The following ITFG2 variants were observed in gnomAD, a reference collection of about 807,000 sequenced individuals.
ITFG2 encodes integrin alpha FG-GAP repeat containing 2.
Under a neutral mutation model 54.4 loss-of-function variants are expected in ITFG2, and 36 were observed. That is an observed-to-expected ratio of 0.66 (90% CI 0.51 to 0.87). The LOEUF is 0.87. ITFG2 is among the 40% of genes least tolerant of loss of function. The pLI is 0.00. For missense variants in ITFG2, 524 were observed against 576.7 expected, an observed-to-expected ratio of 0.91 and a Z score of 0.94; for synonymous variants, 211 against 225.4, an observed-to-expected ratio of 0.94 and a Z score of 0.57.
Position 2,822,840 on chromosome 12 carries a change from C to CAT in ITFG2, c.1000_1001dup (p.Ile335SerfsTer62). 1 of 1,614,174 alleles carries CAT rather than the reference C, an allele frequency of 6.2e-7. No homozygotes were observed. The highest frequency in any genetic ancestry group is 1.6e-4 in the Middle Eastern group (1 of 6,062). Reference sequence around the variant, plus strand: ...GTTGCATGCGCCTGGGATGGACAGACATATATCATTGATCACAACCGCACC... The same window carrying CAT: ...GTTGCATGCGCCTGGGATGGACAGACATATATATCATTGATCACAACCGCACC... On this transcript the variant is annotated frameshift_variant, in exon 10 of 12. Coordinates refer to ENST00000228799, the MANE Select transcript of ITFG2 (RefSeq NM_018463.4). LOFTEE classifies it high-confidence loss of function.
intron 1 of ITFG2, among the ~76,000 whole-genome samples, chr12:2,813,746 T>G (rs2097914902): frequency 1.3e-5 from 2 of 152,208 alleles, no homozygotes; most frequent in South Asian, 2.1e-4. Flanking sequence ...GTTCCTTAAC[T>G]GTCCTGTACT....
chr12:2,855,614 C>A (rs559978082), intron 2 of ITFG2, among the ~76,000 whole-genome samples: 1 of 152,164 alleles, frequency 6.6e-6, no homozygotes, highest in Non-Finnish European at 1.5e-5. Flanking sequence ...TCCTTCCCGG[C>A]GGAAGTTATG....
chr12:2,819,953 G>A (rs1000641812), intron 4 of ITFG2, 133 bp from the exon 5 acceptor site: 3 of 1,156,864 alleles, frequency 2.6e-6, no homozygotes, highest in African/African-American at 3.1e-5. Flanking sequence ...AGGGGCGGGG[G>A]CAGACTGAGG....
chr12:2,812,708 G>C lies in ITFG2; in HGVS notation c.-53G>C. The C allele has an allele frequency of 6.6e-7, 1 of 1,508,366 alleles. No individual in the cohort carries two copies. Among genetic ancestry groups the C allele is most frequent in the Non-Finnish European group, 9.2e-7 (1 of 1,087,240 alleles). 93.4% of individuals were successfully genotyped at this position (1,508,366 alleles called of 1,614,324 possible). A position where few individuals can be genotyped will look rare whatever the true frequency, so the allele number is the denominator to read the frequency against. Reference sequence around the variant, plus strand: ...CCGCTCTGGCGGCTGTCGCGACGGGGGTTCAGGGAATATTTACTGGGCCTC... The same window carrying C: ...CCGCTCTGGCGGCTGTCGCGACGGGCGTTCAGGGAATATTTACTGGGCCTC... On this transcript the variant is annotated 5_prime_UTR_variant, in exon 1 of 12. Transcript: ENST00000228799.
chr12:2,859,730 C>T (rs558197969), exon 4 of ITFG2: 18 of 1,172,030 alleles, frequency 1.5e-5, no homozygotes, highest in Admixed American at 2.4e-5. Flanking sequence ...ATATCACATA[C>T]GGGTTCTGAT....
intron 3 of ITFG2, chr12:2,859,531 C>T: frequency 6.2e-7 from 1 of 1,614,062 alleles, no homozygotes; most frequent in Non-Finnish European, 8.5e-7. Context: ...ATTTCCTCCC[C>T]AGGCTGGATT....
upstream of ITFG2, among the ~76,000 whole-genome samples, chr12:2,833,127 A>G (rs1023787137): frequency 2.6e-5 from 4 of 151,960 alleles, no homozygotes; most frequent in South Asian, 2.1e-4. Flanking sequence ...CTAGGGATCA[A>G]TTGGGGATAT....
At chr12:2,857,775 T>C (rs549887634) in intron 2 of ITFG2, 27 of 152,528 alleles carry the variant, frequency 1.8e-4, no homozygotes, top group African/African-American at 5.1e-4. Flanking sequence ...TTTGCAAAGC[T>C]GAGGGGCAAG....
intron 2 of ITFG2, 193 bp downstream of exon 2, chr12:2,817,511 C>G (rs1437982631): frequency 1.2e-5 from 7 of 579,914 alleles, no homozygotes; most frequent in Non-Finnish European, 1.8e-5. Flanking sequence ...TCCTCACACA[C>G]GCGTGCGTGG....
At chr12:2,817,612 G>T in intron 2 of ITFG2, 1 of 513,478 alleles carries the variant, frequency 1.9e-6, no homozygotes, top group Middle Eastern at 5.1e-4. Context: ...CAAAAATGGG[G>T]GCAATAATTT....
intron 2 of ITFG2, 179 bp from the exon 3 acceptor site, chr12:2,817,730 G>A (rs1406786521): frequency 1.0e-5 from 6 of 580,482 alleles, no homozygotes; most frequent in African/African-American, 3.7e-5. Context: ...TGCTGTCTGG[G>A]TAAACCAAAC....
chr12:2,817,955 G>A lies in ITFG2; in HGVS notation c.234+5G>A. 1 of 1,613,750 alleles carries A rather than the reference G, an allele frequency of 6.2e-7. No homozygotes were observed. Among genetic ancestry groups the A allele is most frequent in the South Asian group, 1.1e-5 (1 of 91,014 alleles). On this transcript the variant is annotated splice_donor_5th_base_variant and intron_variant, in intron 3 of 11. Coordinates refer to ENST00000228799, the MANE Select transcript of ITFG2 (RefSeq NM_018463.4). ...GACGTGTGTAATAAAGGAAAGGTAA[G>A]AACTATAGGGGACCTTCCTTGGTTC...
In ITFG2 at chr12:2,844,100, C is replaced by CA. The variant is rs943873515; in HGVS notation, n.300+3114dup. On this transcript the variant is annotated intron_variant and non_coding_transcript_variant, in intron 2 of 3. Transcript: ENST00000537710. Reference sequence around the variant, plus strand: ...CGAAACCCCATCTCTACTAAAAATACAAAAAAAAATAGCCAGGCATGGTGG... The same window carrying CA: ...CGAAACCCCATCTCTACTAAAAATACAAAAAAAAAATAGCCAGGCATGGTGG... 3.6e-4 allele frequency among the ~76,000 whole-genome samples: 48 copies of CA among 132,168 alleles called. 3 individuals are homozygous for CA. The highest frequency in any genetic ancestry group is 9.4e-4 in the Admixed American group (12 of 12,720). The allele number at this position is 132,168 out of a possible 152,430, so 86.7% of individuals were successfully genotyped here.
intron 2 of ITFG2, chr12:2,855,415 G>A (rs2098084270): frequency 7.1e-7 from 1 of 1,411,872 alleles, no homozygotes; most frequent in South Asian, 1.3e-5. Flanking sequence ...CCACGTTTGG[G>A]AGGGTGGGAG....
downstream of ITFG2, among the ~76,000 whole-genome samples, chr12:2,831,095 G>A (rs966071491): frequency 5.3e-5 from 8 of 152,072 alleles, no homozygotes; most frequent in Admixed American, 4.6e-4. Context: ...ATGGGAAGAG[G>A]AGAATGGTCC....
At chr12:2,827,344 C>T (rs1187887814), downstream of ITFG2, 1 of 1,587,288 alleles carries the variant, frequency 6.3e-7, no homozygotes, top group African/African-American at 1.4e-5. The surrounding 1 kb of genome is among the most constrained non-coding windows in gnomAD (Gnocchi z 4.0). Flanking sequence ...CAGCCCGCCA[C>T]CTGCCTCCCG....
At chr12:2,842,445 G>A (rs2098043681) in intron 2 of ITFG2, among the ~76,000 whole-genome samples, 1 of 149,714 alleles carries the variant, frequency 6.7e-6, no homozygotes. Flanking sequence ...TTTAAAAAAA[G>A]TAAGAAATGT....
chr12:2,829,284 C>T (rs954376404), downstream of ITFG2, among the ~76,000 whole-genome samples: 4 of 136,844 alleles, frequency 2.9e-5, no homozygotes, highest in African/African-American at 1.3e-4. Context: ...GACAACTTCA[C>T]CTACTTTGGG....
At chr12:2,817,860 G>A (rs771113150) in intron 2 of ITFG2, 49 bp from the exon 3 acceptor site, 17 of 1,572,130 alleles carry the variant, frequency 1.1e-5, no homozygotes, top group Non-Finnish European at 8.6e-7. Context: ...AGATCAGGGA[G>A]TACTGGTCTC....
Sources: allele counts gnomAD v4.1 joint callset (sites outside exome capture counted in the v4.1 genomes callset), GRCh38; gene constraint gnomAD v4.1.1; non-coding constraint Gnocchi (gnomAD v3.1); transcripts MANE v1.5; gene names NCBI Gene and HGNC (gene_info 2026-07-23, HGNC 2026-07-21).